EYS: variants seen among roughly 807,000 people sequenced by gnomAD.
The protein encoded by EYS is EGF-like photoreceptor maintenance factor.
EYS carries 250 observed loss-of-function variants against 282.1 expected under a neutral mutation model. That is an observed-to-expected ratio of 0.89 (90% CI 0.80 to 0.98). The LOEUF is 0.98. EYS is among the 50% of genes least tolerant of loss of function. EYS has a pLI of 0.00. For synonymous variants in EYS, 1,355 were observed against 1,282.9 expected (o/e 1.06, Z -1.20); for missense variants, 4,016 against 3,709.0 (o/e 1.08, Z -2.15).
At chr6:63,940,167 C>G (rs996783353) in intron 35 of EYS, among the ~76,000 whole-genome samples, 2 of 152,122 alleles carry the variant, frequency 1.3e-5, no homozygotes, top group African/African-American at 4.8e-5. Context: ...TGAAGTGCCA[C>G]TAGTGATGCT....
intron 28 of EYS, among the ~76,000 whole-genome samples, chr6:64,394,616 A>G (rs1264155240): frequency 6.6e-6 from 1 of 151,932 alleles, no homozygotes; most frequent in Admixed American, 6.6e-5. Flanking sequence ...CTTACACCTT[A>G]TACAAAAATC....
intron 22 of EYS, among the ~76,000 whole-genome samples, chr6:64,681,612 G>A (rs1769897889): frequency 6.6e-6 from 1 of 152,096 alleles, no homozygotes; most frequent in African/African-American, 2.4e-5. Flanking sequence ...AGTGATTCAC[G>A]GCCGGGCGCG....
intron 35 of EYS, among the ~76,000 whole-genome samples, chr6:63,898,738 A>G (rs1269500539): frequency 2.0e-5 from 3 of 152,136 alleles, no homozygotes; most frequent in Admixed American, 6.6e-5. Context: ...TATCACTCGA[A>G]TGATGAATCA....
chr6:64,814,903 T>C (rs1450124666), intron 21 of EYS, among the ~76,000 whole-genome samples: 2 of 152,004 alleles, frequency 1.3e-5, no homozygotes, highest in African/African-American at 4.8e-5. Context: ...AGAATTATTG[T>C]TCATTAATTG....
chr6:64,242,063 T>C (rs1766851867), intron 30 of EYS, among the ~76,000 whole-genome samples: 1 of 152,198 alleles, frequency 6.6e-6, no homozygotes, highest in South Asian at 2.1e-4. Context: ...TTGCGTTTGC[T>C]GAGGAGTGTT....
chr6:63,746,134 A>C (rs545821712), intron 41 of EYS, among the ~76,000 whole-genome samples: 19 of 152,318 alleles, frequency 1.2e-4, no homozygotes, highest in Admixed American at 1.2e-3. Context: ...TTTAGCATGA[A>C]GGAGTGTTGA....
At chr6:64,157,617 T>C (rs115444267) in intron 31 of EYS, among the ~76,000 whole-genome samples, 4,685 of 152,200 alleles carry the variant, frequency 0.031, 236 homozygotes, top group African/African-American at 0.11. Flanking sequence ...TGCATCCCAA[T>C]TGCTCCAGCT....
At chr6:64,270,247 G>A (rs150749077) in intron 30 of EYS, among the ~76,000 whole-genome samples, 1 of 152,154 alleles carries the variant, frequency 6.6e-6, no homozygotes, top group East Asian at 1.9e-4. Context: ...TAGTGTAGTT[G>A]TGAATTTTCT....
chr6:64,734,401 A>C (rs1772112931), intron 22 of EYS, among the ~76,000 whole-genome samples: 1 of 152,160 alleles, frequency 6.6e-6, no homozygotes, highest in Non-Finnish European at 1.5e-5. Flanking sequence ...GAGAAAAACT[A>C]GATATCTGGC....
At position 65,454,555 on chromosome 6, in the gene EYS, G is replaced by A. The variant is rs9363366; in HGVS notation, c.862+36039C>T. 1.5e-3 allele frequency among the ~76,000 whole-genome samples: 221 copies of A among 148,830 alleles called. 1 individual carries two copies. In the East Asian group the frequency reaches 0.026, roughly 18 times the overall value. ...TTGCTTTTGTTGCCTGTGCTTTAGA[G>A]GTTTTATTTAAAAAAAAAAAATCCT... On this transcript the variant is annotated intron_variant, in intron 5 of 42. Coordinates refer to ENST00000503581, the MANE Select transcript of EYS (RefSeq NM_001142800.2).
At chr6:65,283,443 T>C (rs1426728894) in intron 12 of EYS, among the ~76,000 whole-genome samples, 2 of 152,020 alleles carry the variant, frequency 1.3e-5, no homozygotes, top group Non-Finnish European at 2.9e-5. Context: ...CATTTATCAA[T>C]ATGGTGGCAG....
chr6:64,545,906 T>C (rs2149801972), intron 26 of EYS, among the ~76,000 whole-genome samples: 1 of 152,286 alleles, frequency 6.6e-6, no homozygotes, highest in East Asian at 1.9e-4. Flanking sequence ...TCCATGCTCA[T>C]GGGTAGGAAA....
At chr6:64,394,160 T>C (rs1773267332) in intron 28 of EYS, among the ~76,000 whole-genome samples, 1 of 152,238 alleles carries the variant, frequency 6.6e-6, no homozygotes, top group South Asian at 2.1e-4. Flanking sequence ...GAACATTCCA[T>C]GCTCATGGGT....
At chr6:64,376,881 T>C (rs1484096355) in intron 29 of EYS, among the ~76,000 whole-genome samples, 3 of 152,208 alleles carry the variant, frequency 2.0e-5, no homozygotes, top group African/African-American at 4.8e-5. Context: ...CTCAGCTACA[T>C]AATCAGCCCA....
At chr6:64,218,413 CT>C (rs1345193829) in intron 31 of EYS, among the ~76,000 whole-genome samples, 1 of 152,180 alleles carries the variant, frequency 6.6e-6, no homozygotes, top group Non-Finnish European at 1.5e-5. Flanking sequence ...GACAGAACCT[CT>C]GTTCTATCCT....
At chr6:65,418,753 T>C (rs949712818) in intron 5 of EYS, among the ~76,000 whole-genome samples, 1 of 151,854 alleles carries the variant, frequency 6.6e-6, no homozygotes, top group Non-Finnish European at 1.5e-5. Context: ...GGTCAATAGG[T>C]GCAGCAAACC....
chr6:63,992,826 G>T (rs1767663675), intron 34 of EYS, among the ~76,000 whole-genome samples: 1 of 151,726 alleles, frequency 6.6e-6, no homozygotes, highest in Non-Finnish European at 1.5e-5. Context: ...GTTGGGCTTT[G>T]TGTCCCCACC....
chr6:63,762,318 T>C (rs1360622236), intron 41 of EYS, 143 bp downstream of exon 41: 5 of 756,120 alleles, frequency 6.6e-6, no homozygotes, highest in Non-Finnish European at 6.3e-6. Context: ...TGAAGTATAA[T>C]GTCAAATATA....
chr6:63,728,806 C>A (rs1272274630), intron 41 of EYS, among the ~76,000 whole-genome samples: 1 of 152,116 alleles, frequency 6.6e-6, no homozygotes, highest in Non-Finnish European at 1.5e-5. Flanking sequence ...TAGTTGGAAT[C>A]ATACAGTTTG....
Sources: allele counts gnomAD v4.1 joint callset (sites outside exome capture counted in the v4.1 genomes callset), GRCh38; gene constraint gnomAD v4.1.1; transcripts MANE v1.5; gene names NCBI Gene and HGNC (gene_info 2026-07-23, HGNC 2026-07-21).